The following SYK variants were observed in gnomAD, a reference collection of about 807,000 sequenced individuals.
The protein encoded by SYK is tyrosine-protein kinase SYK.
Under a neutral mutation model 77.8 loss-of-function variants are expected in SYK, and 16 were observed. That is an observed-to-expected ratio of 0.21 (90% CI 0.14 to 0.31). The LOEUF is 0.31. SYK is among the 10% of genes least tolerant of loss of function. The probability of loss-of-function intolerance (pLI) is 1.00; values close to 1 mark genes in which losing one functional copy is unlikely to be tolerated. For synonymous variants in SYK, 312 were observed against 308.7 expected, an observed-to-expected ratio of 1.01 and a Z score of -0.11; for missense variants, 529 against 814.4, an observed-to-expected ratio of 0.65 and a Z score of 4.26.
At chr9:90,857,387 T>C (rs1827079642) in intron 3 of SYK, among the ~76,000 whole-genome samples, 1 of 152,184 alleles carries the variant, frequency 6.6e-6, no homozygotes, top group African/African-American at 2.4e-5. Context: ...CTGATCAAAG[T>C]CTCCTTGAAG....
intron 1 of SYK, among the ~76,000 whole-genome samples, chr9:90,818,216 AG>A (rs1362965861): frequency 6.6e-6 from 1 of 152,150 alleles, no homozygotes; most frequent in Non-Finnish European, 1.5e-5. Flanking sequence ...TTCAGAGAGG[AG>A]GGGGCAGTAT....
chr9:90,804,891 A>G (rs541403144), intron 1 of SYK, among the ~76,000 whole-genome samples: 2 of 152,278 alleles, frequency 1.3e-5, no homozygotes, highest in East Asian at 3.9e-4. Flanking sequence ...ATATGATGTT[A>G]TCAGGGACAT....
At chr9:90,802,651 T>G (rs1304255147) in intron 1 of SYK, among the ~76,000 whole-genome samples, 2 of 151,994 alleles carry the variant, frequency 1.3e-5, no homozygotes, top group Non-Finnish European at 2.9e-5. Flanking sequence ...ATGCAATCCA[T>G]TCTTTTGTTG....
At chr9:90,815,835 T>A (rs1259125064) in intron 1 of SYK, among the ~76,000 whole-genome samples, 1 of 152,260 alleles carries the variant, frequency 6.6e-6, no homozygotes, top group Admixed American at 6.5e-5. Flanking sequence ...TGCAGTCAGC[T>A]CTGTTTGGAT....
intron 1 of SYK, among the ~76,000 whole-genome samples, chr9:90,825,209 G>T (rs1475977192): frequency 6.6e-6 from 1 of 151,886 alleles, no homozygotes; most frequent in East Asian, 1.9e-4. Flanking sequence ...AATAATGATG[G>T]AAGAATCAAA....
At position 90,898,103 on chromosome 9, in the gene SYK, T is replaced by A; in HGVS notation, c.*2503T>A. 4.4e-6 allele frequency: 1 copy of A among 227,566 alleles called. No individual in the cohort carries two copies. The highest frequency in any genetic ancestry group is 8.7e-6 in the Non-Finnish European group (1 of 114,512). 14.1% of individuals were successfully genotyped at this position (227,566 alleles called of 1,614,324 possible). ...GGCTCACTCCATAAGGTAAGGTGCC[T>A]TTTACCTTATGGTCCTTCTTTAGCA... On this transcript the variant is annotated 3_prime_UTR_variant, in exon 14 of 14. Coordinates refer to ENST00000375754, the MANE Select transcript of SYK (RefSeq NM_003177.7).
At chr9:90,845,153 C>G (rs1826537400) in intron 2 of SYK, among the ~76,000 whole-genome samples, 1 of 152,170 alleles carries the variant, frequency 6.6e-6, no homozygotes, top group African/African-American at 2.4e-5. Context: ...CCAGGCTGGT[C>G]TCGAACTCCT....
chr9:90,859,278 G>A (rs890179200), intron 3 of SYK, among the ~76,000 whole-genome samples: 2 of 152,078 alleles, frequency 1.3e-5, no homozygotes, highest in Non-Finnish European at 2.9e-5. Context: ...TGTTCATCAC[G>A]CCCTTGCTTT....
chr9:90,833,734 G>A (rs1018568704), intron 1 of SYK, among the ~76,000 whole-genome samples: 47 of 152,198 alleles, frequency 3.1e-4, no homozygotes, highest in African/African-American at 1.1e-3. Context: ...CTACACAAAT[G>A]ATAGTTTCCC....
intron 6 of SYK, among the ~76,000 whole-genome samples, chr9:90,866,132 C>T (rs1437877445): frequency 6.6e-6 from 1 of 152,184 alleles, no homozygotes; most frequent in Non-Finnish European, 1.5e-5. Flanking sequence ...ATCTCCTAAC[C>T]TCGTGATCTG....
chr9:90,842,756 A>T (rs982939119), intron 1 of SYK, among the ~76,000 whole-genome samples: 6 of 143,620 alleles, frequency 4.2e-5, no homozygotes, highest in African/African-American at 1.3e-4. Flanking sequence ...TGGTATGGAG[A>T]GAGTGTGTGT....
chr9:90,849,125 G>T (rs1441332410), intron 3 of SYK, among the ~76,000 whole-genome samples: 3 of 152,218 alleles, frequency 2.0e-5, no homozygotes, highest in East Asian at 1.9e-4. Context: ...AAGTTGGGGG[G>T]GCTGTCTTTA....
At chr9:90,837,746 C>G (rs901523594) in intron 1 of SYK, among the ~76,000 whole-genome samples, 6 of 152,130 alleles carry the variant, frequency 3.9e-5, no homozygotes, top group African/African-American at 1.4e-4. Context: ...CGAGGGCAGC[C>G]TCAGGAGCTA....
intron 11 of SYK, among the ~76,000 whole-genome samples, chr9:90,882,605 A>G (rs534955838): frequency 6.6e-6 from 1 of 152,374 alleles, no homozygotes; most frequent in South Asian, 2.1e-4. Context: ...TTTTTTAATG[A>G]TGCTAGCAAG....
At chr9:90,817,679 T>C (rs1478864855) in intron 1 of SYK, among the ~76,000 whole-genome samples, 1 of 152,184 alleles carries the variant, frequency 6.6e-6, no homozygotes, top group Non-Finnish European at 1.5e-5. Flanking sequence ...GGGACATTTT[T>C]CTCATGAAAG....
At position 90,828,762 on chromosome 9, in the gene SYK, T is replaced by C. The variant is rs151184692; in HGVS notation, c.-41-15096T>C. On this transcript the variant is annotated intron_variant, in intron 1 of 13. Transcript: ENST00000375754. ...TGATGAGGCATGTACTTCTTCCTGG[T>C]GGAGAAGAACTGCAGAGATGTCTCC... is the stretch of plus-strand genomic sequence containing the variant. Among the ~76,000 whole-genome samples the C allele has an allele frequency of 7.1e-3, 1,075 of 152,266 alleles. 14 individuals carry two copies. Among genetic ancestry groups the C allele is most frequent in the African/African-American group, 0.025 (1,041 of 41,550 alleles).
chr9:90,881,936 C>A (rs1828175752), intron 11 of SYK, among the ~76,000 whole-genome samples: 1 of 152,146 alleles, frequency 6.6e-6, no homozygotes, highest in Admixed American at 6.5e-5. Context: ...GGGTTTGGTC[C>A]AATCAGTCAT....
chr9:90,803,178 A>C (rs1171142385), intron 1 of SYK, among the ~76,000 whole-genome samples: 22 of 152,186 alleles, frequency 1.4e-4, no homozygotes, highest in Non-Finnish European at 1.5e-5. Context: ...CTTTTGTTTT[A>C]ACGTATTTAG....
intron 10 of SYK, 95 bp downstream of exon 10, chr9:90,877,875 C>T: frequency 7.7e-7 from 1 of 1,292,842 alleles, no homozygotes; most frequent in Admixed American, 1.9e-5. Context: ...CTTGGGAAGC[C>T]TTCCCACCCT....
Sources: allele counts gnomAD v4.1 joint callset (sites outside exome capture counted in the v4.1 genomes callset), GRCh38; gene constraint gnomAD v4.1.1; transcripts MANE v1.5; gene names NCBI Gene and HGNC (gene_info 2026-07-23, HGNC 2026-07-21).